Variants in THSD7B observed in about 807,000 individuals in gnomAD.
The protein encoded by THSD7B is thrombospondin type-1 domain-containing protein 7B.
THSD7B carries 138 observed loss-of-function variants against 213.6 expected under a neutral mutation model. That is an observed-to-expected ratio of 0.65 (90% CI 0.56 to 0.74). The LOEUF is 0.74. Ranked by LOEUF, THSD7B falls within the 30% of genes least tolerant of loss-of-function variation. The pLI, the probability that THSD7B is intolerant of heterozygous loss-of-function variation, is 0.00. For missense variants in THSD7B, 1,931 were observed against 1,991.5 expected, an observed-to-expected ratio of 0.97 and a Z score of 0.58; for synonymous variants, 742 against 687.0, an observed-to-expected ratio of 1.08 and a Z score of -1.25.
chr2:137,598,955 C>T (rs937292719), intron 17 of THSD7B, among the ~76,000 whole-genome samples: 5 of 149,432 alleles, frequency 3.3e-5, no homozygotes, highest in African/African-American at 1.2e-4. Context: ...CATATGTATA[C>T]ATGTGCCACG....
At chr2:137,316,549 G>A (rs550109585) in intron 12 of THSD7B, among the ~76,000 whole-genome samples, 6 of 152,130 alleles carry the variant, frequency 3.9e-5, no homozygotes. Flanking sequence ...GTCGAGGTGG[G>A]AGGATCACGA....
At chr2:136,802,486 T>C (rs1377058147) in intron 1 of THSD7B, among the ~76,000 whole-genome samples, 1 of 151,420 alleles carries the variant, frequency 6.6e-6, no homozygotes, top group Non-Finnish European at 1.5e-5. Flanking sequence ...AGTGTGTGCT[T>C]CTCCCCAAGT....
chr2:136,813,924 C>T (rs1682429013), intron 1 of THSD7B, among the ~76,000 whole-genome samples: 1 of 152,164 alleles, frequency 6.6e-6, no homozygotes, highest in Non-Finnish European at 1.5e-5. Flanking sequence ...ATATGAAGAA[C>T]TGTGCCTCAG....
intron 11 of THSD7B, among the ~76,000 whole-genome samples, chr2:137,274,932 A>G (rs1186629763): frequency 6.6e-6 from 1 of 152,068 alleles, no homozygotes; most frequent in African/African-American, 2.4e-5. Context: ...TATGAAGGCC[A>G]CTTGAATGAA....
chr2:137,521,316 C>G (rs1335778756), intron 15 of THSD7B, among the ~76,000 whole-genome samples: 8 of 152,006 alleles, frequency 5.3e-5, no homozygotes, highest in African/African-American at 1.9e-4. Context: ...CTGGGTCAGC[C>G]TTTGTAGTGG....
intron 12 of THSD7B, among the ~76,000 whole-genome samples, chr2:137,334,018 C>T (rs1292813945): frequency 6.6e-6 from 1 of 152,182 alleles, no homozygotes; most frequent in African/African-American, 2.4e-5. Context: ...GTCACAACTA[C>T]TCAATTTTGC....
At chr2:137,226,495 T>G (rs917903080) in intron 7 of THSD7B, among the ~76,000 whole-genome samples, 1 of 151,858 alleles carries the variant, frequency 6.6e-6, no homozygotes, top group Admixed American at 6.6e-5. Context: ...ATTTTATTTT[T>G]AATTGGTATA....
chr2:137,096,830 C>T (rs1688048712), intron 4 of THSD7B, among the ~76,000 whole-genome samples: 1 of 152,182 alleles, frequency 6.6e-6, no homozygotes, highest in African/African-American at 2.4e-5. Flanking sequence ...TCTGATAATA[C>T]TGCCTGTGTG....
intron 5 of THSD7B, among the ~76,000 whole-genome samples, chr2:137,139,598 C>A (rs1406075536): frequency 6.6e-6 from 1 of 152,114 alleles, no homozygotes; most frequent in African/African-American, 2.4e-5. Flanking sequence ...GCTATGAAAT[C>A]TTAAACTCTC....
At chr2:136,998,274 AAAAAAAAGAAAGAAAAAAAG>A (rs1352229379) in intron 2 of THSD7B, among the ~76,000 whole-genome samples, 1 of 151,674 alleles carries the variant, frequency 6.6e-6, no homozygotes, top group East Asian at 1.9e-4. Flanking sequence ...AAAAAAAAAA[AAAAAAAAGAAAGAAAAAAAG>A]AAAAGACAAG....
intron 2 of THSD7B, among the ~76,000 whole-genome samples, chr2:136,913,148 A>T (rs1684295761): frequency 6.6e-6 from 1 of 152,224 alleles, no homozygotes; most frequent in African/African-American, 2.4e-5. Flanking sequence ...GAACTGGAGC[A>T]AAGGCGACTC....
chr2:137,454,425 T>TCTGTCTAC (rs1687720678), intron 15 of THSD7B, among the ~76,000 whole-genome samples: 1 of 46,534 alleles, frequency 2.1e-5, no homozygotes, highest in East Asian at 1.2e-3. Flanking sequence ...TGTCTGTCTG[T>TCTGTCTAC]CTATCTATCT....
chr2:137,212,667 AT>A (rs909750757), intron 7 of THSD7B, among the ~76,000 whole-genome samples: 7 of 149,504 alleles, frequency 4.7e-5, no homozygotes, highest in Admixed American at 2.7e-4. Flanking sequence ...CACAAAAAAA[AT>A]ATCATTTTTT....
At chr2:137,283,257 G>T (rs1247323363) in intron 12 of THSD7B, among the ~76,000 whole-genome samples, 6 of 152,160 alleles carry the variant, frequency 3.9e-5, no homozygotes, top group African/African-American at 7.2e-5. Flanking sequence ...CATTGATTTT[G>T]TATCCTGAGA....
intron 10 of THSD7B, among the ~76,000 whole-genome samples, chr2:137,269,101 C>T (rs968371892): frequency 6.6e-6 from 1 of 152,136 alleles, no homozygotes; most frequent in African/African-American, 2.4e-5. Context: ...TCACACATCT[C>T]TGGTATTGTT....
intron 17 of THSD7B, among the ~76,000 whole-genome samples, chr2:137,607,441 C>T (rs1682203878): frequency 6.6e-6 from 1 of 152,150 alleles, no homozygotes; most frequent in African/African-American, 2.4e-5. Context: ...ATCCTAAATA[C>T]AGGGATATTT....
rs377246794 is a variant in THSD7B at position 137,656,786 on chromosome 2, G to A, written c.4106-10G>A. Reference sequence around the variant, plus strand: ...CTGTTTTCTCCACCCTGTACTGCATGACTGTCCAGGAGACTGCCATTTAAC... The same window carrying A: ...CTGTTTTCTCCACCCTGTACTGCATAACTGTCCAGGAGACTGCCATTTAAC... On this transcript the variant is annotated splice_polypyrimidine_tract_variant and intron_variant, in intron 22 of 27. Transcript: ENST00000409968. 5.6e-6 allele frequency: 9 copies of A among 1,612,308 alleles called. No individual in the cohort carries two copies. The African/African-American group carries it at 1.1e-4, about 19-fold the overall frequency.
intron 12 of THSD7B, among the ~76,000 whole-genome samples, chr2:137,392,730 A>T (rs1686062821): frequency 6.6e-6 from 1 of 152,034 alleles, no homozygotes. Context: ...GAGGAGCATA[A>T]ATTTAATCCA....
intron 1 of THSD7B, among the ~76,000 whole-genome samples, chr2:136,832,058 A>G (rs1682766145): frequency 6.6e-6 from 1 of 152,056 alleles, no homozygotes; most frequent in Non-Finnish European, 1.5e-5. Context: ...ATGCTTGTGC[A>G]TTTTGTATTA....
Sources: gnomAD v4.1 joint callset for allele counts (sites outside exome capture counted in the v4.1 genomes callset) on GRCh38, gnomAD v4.1.1 for gene constraint, MANE v1.5 for transcripts, NCBI Gene and HGNC (gene_info 2026-07-23, HGNC 2026-07-21) for gene names.